GREB1: variants seen among roughly 807,000 people sequenced by gnomAD.
GREB1 encodes the protein protein GREB1.
Under a neutral mutation model 200.7 loss-of-function variants are expected in GREB1, and 106 were observed. The observed-to-expected ratio is 0.53, with a 90% CI of 0.45 to 0.62. The LOEUF (loss-of-function observed/expected upper bound fraction) is 0.62, where lower values mean the gene tolerates loss of function less well. GREB1 is among the 20% of genes least tolerant of loss of function. The pLI is 0.00. For missense variants in GREB1, 2,243 were observed against 2,556.8 expected, an observed-to-expected ratio of 0.88 and a Z score of 2.65; for synonymous variants, 1,132 against 1,092.4, an observed-to-expected ratio of 1.04 and a Z score of -0.72.
At chr2:11,612,966 A>G (rs1462107345) in intron 19 of GREB1, among the ~76,000 whole-genome samples, 4 of 152,084 alleles carry the variant, frequency 2.6e-5, no homozygotes, top group African/African-American at 9.7e-5. Context: ...TGCTTGGGAC[A>G]GTACGGCATC....
chr2:11,546,318 G>A (rs1675275224), intron 1 of GREB1, among the ~76,000 whole-genome samples: 1 of 152,114 alleles, frequency 6.6e-6, no homozygotes, highest in Non-Finnish European at 1.5e-5. Context: ...CTGGCACATA[G>A]TATACAGGAA....
At chr2:11,631,702 G>A (rs1238624529) in intron 26 of GREB1, among the ~76,000 whole-genome samples, 9 of 152,226 alleles carry the variant, frequency 5.9e-5, no homozygotes, top group Non-Finnish European at 8.8e-5. Context: ...TGTGGAACAT[G>A]TAAGTCCTCT....
chr2:11,512,703 T>G (rs1305327206), intron 1 of GREB1, among the ~76,000 whole-genome samples: 1 of 152,248 alleles, frequency 6.6e-6, no homozygotes, highest in Non-Finnish European at 1.5e-5. Flanking sequence ...TCACTTTCCC[T>G]GTGTGACAAA....
intron 17 of GREB1, among the ~76,000 whole-genome samples, chr2:11,604,880 G>C (rs1474609228): frequency 6.6e-6 from 1 of 152,174 alleles, no homozygotes; most frequent in Non-Finnish European, 1.5e-5. Flanking sequence ...AGTCCTCTAT[G>C]TGCCATAAAC....
chr2:11,637,964 C>G, intron 31 of GREB1, 48 bp downstream of exon 31: 1 of 1,496,572 alleles, frequency 6.7e-7, no homozygotes, highest in Middle Eastern at 1.7e-4. Context: ...AGAGAAATCT[C>G]TAGAACCAAT....
chr2:11,613,448 G>A lies in GREB1; in HGVS notation c.3122+838G>A, dbSNP rs540535884. ...TTTTACTCTCACCTTAATCCTGGGGGAAAGGTGCTATTTCAGTAGTCCCAT... is the reference window on the plus strand; with the variant it reads ...TTTTACTCTCACCTTAATCCTGGGGAAAAGGTGCTATTTCAGTAGTCCCAT... On this transcript the variant is annotated intron_variant, in intron 19 of 32. Transcript: ENST00000381486. Among the ~76,000 whole-genome samples, 4 of 152,284 alleles carry A rather than the reference G, an allele frequency of 2.6e-5. No homozygotes were observed. The South Asian group carries it at 8.3e-4, about 32-fold the overall frequency.
chr2:11,612,220 GC>G, intron 18 of GREB1: 3 of 603,982 alleles, frequency 5.0e-6, no homozygotes, highest in Non-Finnish European at 6.6e-6. Context: ...GACTTAAGGA[GC>G]AGCTGACAAC....
chr2:11,597,688 C>A lies in GREB1; in HGVS notation c.1955-93C>A, dbSNP rs879135649. Reference sequence around the variant, plus strand: ...CATCGCTTTGTGAATGGGGCCGTCTCCCCTGGACAGGTCTCACTGATTCTC... The same window carrying A: ...CATCGCTTTGTGAATGGGGCCGTCTACCCTGGACAGGTCTCACTGATTCTC... On this transcript the variant is annotated intron_variant, in intron 13 of 32. Transcript: ENST00000381486. The surrounding 1 kb of genome is among the most constrained non-coding windows in gnomAD (Gnocchi z 4.1). 9.1e-7 allele frequency: 1 copy of A among 1,102,942 alleles called. No homozygotes were observed. Among genetic ancestry groups the A allele is most frequent in the African/African-American group, 1.5e-5 (1 of 65,272 alleles). The allele number at this position is 1,102,942 out of a possible 1,614,324, so 68.3% of individuals were successfully genotyped here.
At chr2:11,596,317 G>A (rs1681200660) in intron 13 of GREB1, 78 bp downstream of exon 13, 6 of 1,358,414 alleles carry the variant, frequency 4.4e-6, no homozygotes, top group South Asian at 1.3e-5. Flanking sequence ...GGGCGCAGGT[G>A]TGCACAGTGA....
intron 1 of GREB1, among the ~76,000 whole-genome samples, chr2:11,546,794 C>T (rs1343874437): frequency 1.3e-5 from 2 of 152,120 alleles, no homozygotes; most frequent in Non-Finnish European, 2.9e-5. Flanking sequence ...TAGTGCTGTC[C>T]TTTAGAACTT....
chr2:11,528,349 G>C (rs558993834), intron 1 of GREB1, among the ~76,000 whole-genome samples: 2 of 152,142 alleles, frequency 1.3e-5, no homozygotes, highest in African/African-American at 4.8e-5. Context: ...AAATACCCTC[G>C]TTGAAAGTAG....
chr2:11,598,993 G>A (rs1024028463), intron 15 of GREB1, 133 bp downstream of exon 15: 1 of 740,292 alleles, frequency 1.4e-6, no homozygotes, highest in Non-Finnish European at 2.3e-6. Context: ...CTAAGCAGAT[G>A]CCATGGAGGT....
intron 1 of GREB1, among the ~76,000 whole-genome samples, chr2:11,526,996 A>G (rs1352234811): frequency 6.6e-6 from 1 of 152,106 alleles, no homozygotes; most frequent in Non-Finnish European, 1.5e-5. Flanking sequence ...TCTTTTTCAC[A>G]CATGCCTCAT....
At chr2:11,557,567 G>A (rs549024337) in intron 2 of GREB1, among the ~76,000 whole-genome samples, 1 of 152,326 alleles carries the variant, frequency 6.6e-6, no homozygotes, top group African/African-American at 2.4e-5. Flanking sequence ...GTATGTGGAA[G>A]GGGATGGTTG....
intron 4 of GREB1, among the ~76,000 whole-genome samples, chr2:11,575,662 T>C (rs981940843): frequency 3.3e-5 from 5 of 152,364 alleles, no homozygotes; most frequent in African/African-American, 1.2e-4. Flanking sequence ...GAAGCGCTCC[T>C]GATTTCTTTT....
chr2:11,497,300 G>A (rs1284104263), intron 1 of GREB1, among the ~76,000 whole-genome samples: 6 of 152,096 alleles, frequency 3.9e-5, no homozygotes, highest in Non-Finnish European at 7.4e-5. Flanking sequence ...AAGTATCAGT[G>A]GTTCATTCCT....
At chr2:11,589,722 G>A (rs1361206271) in intron 10 of GREB1, among the ~76,000 whole-genome samples, 3 of 152,240 alleles carry the variant, frequency 2.0e-5, no homozygotes, top group African/African-American at 7.2e-5. Flanking sequence ...AAGGCACACA[G>A]TGGCTTGAGC....
chr2:11,619,002 CCGCACCCA>C (rs1683773259), intron 22 of GREB1, 83 bp downstream of exon 22: 2 of 1,263,124 alleles, frequency 1.6e-6, no homozygotes, highest in Admixed American at 5.8e-5. Flanking sequence ...CTGGGGGTGA[CCGCACCCA>C]CGTCTTCACT....
rs1285393104 is a variant in GREB1 at position 11,597,518 on chromosome 2, C to T, written c.1955-263C>T. Among the ~76,000 whole-genome samples the T allele has an allele frequency of 1.3e-5, 2 of 152,156 alleles. No homozygotes were observed. The highest frequency in any genetic ancestry group is 2.4e-5 in the African/African-American group (1 of 41,426). On this transcript the variant is annotated intron_variant, in intron 13 of 32. Coordinates refer to ENST00000381486, the MANE Select transcript of GREB1 (RefSeq NM_014668.4). This position sits in a 1 kb window ranked among gnomAD's most constrained non-coding sequence, Gnocchi z 4.1. ...TGTCCCCTCTAAGCAGAAGAGACCA[C>T]TGCCTCCACTGTGCTCCCCAAGTGC... is the stretch of plus-strand genomic sequence containing the variant.
Sources: gnomAD v4.1 joint callset for allele counts (sites outside exome capture counted in the v4.1 genomes callset) on GRCh38, gnomAD v4.1.1 for gene constraint, Gnocchi (gnomAD v3.1) non-coding constraint, MANE v1.5 for transcripts, NCBI Gene and HGNC (gene_info 2026-07-23, HGNC 2026-07-21) for gene names.